TAFA1: variants seen among roughly 807,000 people sequenced by gnomAD.
TAFA1 encodes the protein chemokine-like protein TAFA-1.
A neutral mutation model predicts 18.5 loss-of-function variants in TAFA1; 4 were observed. That is an observed-to-expected ratio of 0.22 (90% confidence interval 0.11 to 0.49). TAFA1 has a LOEUF of 0.49. TAFA1 is among the 20% of genes least tolerant of loss of function. The pLI, the probability that TAFA1 is intolerant of heterozygous loss-of-function variation, is 0.98. For missense variants in TAFA1, 147 were observed against 169.0 expected (o/e 0.87, Z 0.72); for synonymous variants, 56 against 55.2 (o/e 1.01, Z -0.06).
intron 3 of TAFA1, among the ~76,000 whole-genome samples, chr3:68,534,461 G>A (rs1406691915): frequency 6.6e-6 from 1 of 152,042 alleles, no homozygotes; most frequent in South Asian, 2.1e-4. Context: ...TCCTGTTAAT[G>A]TTTATTTTTA....
At chr3:68,206,152 G>T (rs1294382423) in intron 2 of TAFA1, among the ~76,000 whole-genome samples, 2 of 151,766 alleles carry the variant, frequency 1.3e-5, no homozygotes, top group African/African-American at 4.8e-5. Flanking sequence ...TTTGGGGGTA[G>T]GTTTTAAACT....
At chr3:68,483,324 A>C (rs1253482463) in intron 3 of TAFA1, among the ~76,000 whole-genome samples, 1 of 152,222 alleles carries the variant, frequency 6.6e-6, no homozygotes, top group Admixed American at 6.5e-5. Flanking sequence ...AAGCTATTCA[A>C]CTGTACTCTC....
At chr3:68,342,952 T>A (rs2069108787) in intron 2 of TAFA1, among the ~76,000 whole-genome samples, 1 of 152,178 alleles carries the variant, frequency 6.6e-6, no homozygotes, top group South Asian at 2.1e-4. Context: ...ATTTTTCTCT[T>A]GTAAGGCCTT....
intron 2 of TAFA1, among the ~76,000 whole-genome samples, chr3:68,279,306 A>C (rs978914398): frequency 2.0e-5 from 3 of 152,116 alleles, no homozygotes; most frequent in Admixed American, 1.3e-4. Context: ...TTCTTTATAC[A>C]GTTCTTTTGC....
the TAFA1 span, among the ~76,000 whole-genome samples, chr3:67,993,703 T>C: frequency 2.0e-5 from 3 of 152,336 alleles, no homozygotes; most frequent in Admixed American, 1.3e-4. Context: ...GTCAGTTTAG[T>C]ATACCAGTAC....
intron 3 of TAFA1, among the ~76,000 whole-genome samples, chr3:68,499,372 A>G (rs1160848510): frequency 7.1e-6 from 1 of 141,010 alleles, no homozygotes; most frequent in Non-Finnish European, 1.6e-5. Flanking sequence ...TAGAGAGGGT[A>G]TTTTTGCTTT....
At chr3:68,427,310 C>T (rs756886156) in intron 3 of TAFA1, among the ~76,000 whole-genome samples, 18 of 151,828 alleles carry the variant, frequency 1.2e-4, no homozygotes, top group Non-Finnish European at 2.4e-4. Flanking sequence ...AAGGAGTCAG[C>T]TCCTCATCTC....
At chr3:68,544,381 A>T (rs147364549) in intron 4 of TAFA1, 105 bp from the exon 5 acceptor site, 16 of 1,164,518 alleles carry the variant, frequency 1.4e-5, no homozygotes, top group Non-Finnish European at 2.0e-5. Flanking sequence ...AAAAAAAGCA[A>T]CATCCTAAAG....
intron 2 of TAFA1, among the ~76,000 whole-genome samples, chr3:68,130,808 G>T (rs1196820080): frequency 2.0e-5 from 3 of 152,072 alleles, no homozygotes; most frequent in African/African-American, 7.2e-5. Context: ...TGTAGGAATG[G>T]CTCCTTCCCA....
intron 3 of TAFA1, among the ~76,000 whole-genome samples, chr3:68,530,052 A>G (rs2073168817): frequency 6.6e-6 from 1 of 152,216 alleles, no homozygotes; most frequent in South Asian, 2.1e-4. Flanking sequence ...ACCTGTATTG[A>G]GAAACTCTGA....
intron 2 of TAFA1, among the ~76,000 whole-genome samples, chr3:68,384,700 G>C (rs2070052824): frequency 1.3e-5 from 2 of 152,024 alleles, no homozygotes; most frequent in South Asian, 4.1e-4. Context: ...ACAGTGCTGA[G>C]TTCAAGTCCT....
chr3:68,499,010 C>A (rs2665531), intron 3 of TAFA1, among the ~76,000 whole-genome samples: 30,166 of 151,870 alleles, frequency 0.2, 3,077 homozygotes, highest in Middle Eastern at 0.24. Flanking sequence ...ACTTTTGCAA[C>A]AGTCTTTTCC....
At chr3:68,197,970 T>C (rs976769741) in intron 2 of TAFA1, among the ~76,000 whole-genome samples, 3 of 151,774 alleles carry the variant, frequency 2.0e-5, no homozygotes, top group Non-Finnish European at 4.4e-5. Flanking sequence ...TTGTCTGTTA[T>C]GTTTACTACT....
chr3:68,065,051 C>A (rs1332478209), intron 2 of TAFA1, among the ~76,000 whole-genome samples: 1 of 151,950 alleles, frequency 6.6e-6, no homozygotes, highest in Non-Finnish European at 1.5e-5. Context: ...AGATTTTAAG[C>A]TTTGTAAGTG....
chr3:68,073,151 G>T lies in TAFA1; in HGVS notation c.118+66407G>T, dbSNP rs927769601. 2.0e-5 allele frequency among the ~76,000 whole-genome samples: 3 copies of T among 152,320 alleles called. No individual in the cohort carries two copies. In the East Asian group the frequency reaches 5.8e-4, roughly 29 times the overall value. On this transcript the variant is annotated intron_variant, in intron 2 of 4. Transcript: ENST00000478136. The stretch of plus-strand genomic sequence containing the variant: ...AACATAAGTAGATAAACCAGCAGAA[G>T]AGACCTCCTTTGAGTAGGCTTTGCT...
chr3:68,144,157 T>G (rs998279502), intron 2 of TAFA1, among the ~76,000 whole-genome samples: 1 of 152,212 alleles, frequency 6.6e-6, no homozygotes, highest in Non-Finnish European at 1.5e-5. Flanking sequence ...ATCGAGCATC[T>G]GCTAAAGTGT....
At chr3:68,038,918 G>T (rs187535145) in intron 2 of TAFA1, among the ~76,000 whole-genome samples, 2 of 152,252 alleles carry the variant, frequency 1.3e-5, no homozygotes, top group African/African-American at 4.8e-5. Flanking sequence ...TGTATGTTCA[G>T]TTCAGTAGCC....
At chr3:68,247,842 G>A (rs1030256948) in intron 2 of TAFA1, 2 of 152,200 alleles carry the variant, frequency 1.3e-5, no homozygotes, top group African/African-American at 4.8e-5. Flanking sequence ...CTGAAGTTGG[G>A]CTCTGAGCCT....
intron 2 of TAFA1, among the ~76,000 whole-genome samples, chr3:68,331,226 C>G (rs1204652446): frequency 1.3e-5 from 2 of 152,112 alleles, no homozygotes; most frequent in African/African-American, 4.8e-5. Flanking sequence ...TATTAAATAT[C>G]TTGAATGAGC....
Sources: gnomAD v4.1 joint callset for allele counts (sites outside exome capture counted in the v4.1 genomes callset) on GRCh38, gnomAD v4.1.1 for gene constraint, MANE v1.5 for transcripts, NCBI Gene and HGNC (gene_info 2026-07-23, HGNC 2026-07-21) for gene names.